Variants in CHCHD6 observed in about 807,000 individuals in gnomAD.
CHCHD6 encodes the protein coiled-coil-helix-coiled-coil-helix domain containing 6.
A neutral mutation model predicts 32.3 loss-of-function variants in CHCHD6; 28 were observed. That is an observed-to-expected ratio of 0.87 (90% CI 0.64 to 1.19). CHCHD6 has a LOEUF of 1.19. Among genes scored for constraint, CHCHD6 ranks in the 50% most tolerant of loss-of-function variants. CHCHD6 has a pLI of 0.00. For missense variants in CHCHD6, 333 were observed against 307.0 expected (o/e 1.08, Z -0.63); for synonymous variants, 122 against 117.5 (o/e 1.04, Z -0.25).
At chr3:126,748,595 C>CA (rs11378109) in intron 4 of CHCHD6, among the ~76,000 whole-genome samples, 6,933 of 85,082 alleles carry the variant, frequency 0.081, 226 homozygotes, top group East Asian at 0.22. Flanking sequence ...ACTACATCTC[C>CA]AAAAAAAAAA....
intron 3 of CHCHD6, 80 bp downstream of exon 3, chr3:126,730,710 C>G: frequency 8.5e-7 from 1 of 1,183,100 alleles, no homozygotes; most frequent in Non-Finnish European, 1.2e-6. Context: ...CCTCTCCTTG[C>G]CTGAAGCCCT....
intron 6 of CHCHD6, among the ~76,000 whole-genome samples, chr3:126,936,773 G>A (rs769061033): frequency 3.9e-5 from 6 of 152,172 alleles, no homozygotes; most frequent in South Asian, 4.2e-4. Context: ...CAGGCTGGTC[G>A]CGAACACCTG....
chr3:126,921,430 G>A (rs553847926), intron 6 of CHCHD6, among the ~76,000 whole-genome samples: 23 of 151,906 alleles, frequency 1.5e-4, no homozygotes, highest in South Asian at 6.3e-4. Flanking sequence ...GAATTGTTCA[G>A]ATTTTCTGAA....
intron 4 of CHCHD6, among the ~76,000 whole-genome samples, chr3:126,782,212 C>T (rs1576409236): frequency 6.6e-6 from 1 of 152,196 alleles, no homozygotes; most frequent in South Asian, 2.1e-4. Flanking sequence ...CATTAATTCT[C>T]GATTTACATA....
chr3:126,913,183 G>C (rs566621549), intron 5 of CHCHD6, among the ~76,000 whole-genome samples: 128 of 134,322 alleles, frequency 9.5e-4, no homozygotes, highest in African/African-American at 3.3e-3. Flanking sequence ...GTAGAACGGG[G>C]ATAATCATGC....
intron 4 of CHCHD6, among the ~76,000 whole-genome samples, chr3:126,845,294 T>G (rs1164946300): frequency 4.6e-5 from 7 of 152,224 alleles, no homozygotes; most frequent in Non-Finnish European, 1.0e-4. Flanking sequence ...TGAGTCAATA[T>G]ATTTAGAATT....
At chr3:126,730,033 A>G (rs986756660) in intron 2 of CHCHD6, among the ~76,000 whole-genome samples, 2 of 152,230 alleles carry the variant, frequency 1.3e-5, no homozygotes, top group African/African-American at 4.8e-5. Context: ...AAAGAGCCCA[A>G]TAATACTAAA....
At chr3:126,794,433 CAT>C (rs1210923699) in intron 4 of CHCHD6, among the ~76,000 whole-genome samples, 5 of 148,246 alleles carry the variant, frequency 3.4e-5, no homozygotes, top group Non-Finnish European at 7.4e-5. Context: ...TATATATATA[CAT>C]ATATGTTTAT....
intron 4 of CHCHD6, among the ~76,000 whole-genome samples, chr3:126,768,879 A>G (rs1212623362): frequency 2.0e-5 from 3 of 152,080 alleles, no homozygotes; most frequent in South Asian, 2.1e-4. Flanking sequence ...CCACTTCTTA[A>G]TGGGGTTATT....
At chr3:126,957,059 T>TTGTCCTGGAGGCGGGC (rs1355564858) in intron 6 of CHCHD6, 6 of 313,728 alleles carry the variant, frequency 1.9e-5, no homozygotes, top group Admixed American at 4.2e-5. Flanking sequence ...GCGGGGCGGG[T>TTGTCCTGGAGGCGGGC]TGTCCTGGAG....
chr3:126,807,599 T>C (rs1458641301), intron 4 of CHCHD6, among the ~76,000 whole-genome samples: 1 of 152,190 alleles, frequency 6.6e-6, no homozygotes, highest in Non-Finnish European at 1.5e-5. Flanking sequence ...AAATTATTAA[T>C]GAAATTATTT....
chr3:126,729,158 A>G (rs1043534149), intron 2 of CHCHD6, among the ~76,000 whole-genome samples: 2 of 152,254 alleles, frequency 1.3e-5, no homozygotes, highest in Admixed American at 6.5e-5. Flanking sequence ...AAATGTGAAT[A>G]TAAGAAATTA....
intron 4 of CHCHD6, among the ~76,000 whole-genome samples, chr3:126,834,700 G>T (rs151294002): frequency 1.7e-3 from 253 of 152,270 alleles, no homozygotes; most frequent in African/African-American, 5.9e-3. Context: ...CCTATCCCTG[G>T]CTACTTCACG....
At position 126,917,609 on chromosome 3, in the gene CHCHD6, A is replaced by G. The variant is rs73861726; in HGVS notation, c.566+2859A>G. On this transcript the variant is annotated intron_variant, in intron 6 of 7. Transcript: ENST00000290913. The stretch of plus-strand genomic sequence containing the variant: ...AGAAAGTAGACCTAGGATGTCAACA[A>G]CTGTTGTTGATATTAGTGTGACTGT... Among the ~76,000 whole-genome samples the G allele has an allele frequency of 3.1e-3, 470 of 152,326 alleles. 3 individuals carry two copies. Among genetic ancestry groups the G allele is most frequent in the African/African-American group, 0.01 (429 of 41,566 alleles).
chr3:126,842,834 G>A lies in CHCHD6; in HGVS notation c.412-9813G>A, dbSNP rs539505601. ...TCTTTTTTTTTTTTTTTTTTTGGTG[G>A]GTGTGACCTGCAAGAGTGGGATGTT... On this transcript the variant is annotated intron_variant, in intron 4 of 7. Coordinates refer to ENST00000290913, the MANE Select transcript of CHCHD6 (RefSeq NM_032343.3). Among the ~76,000 whole-genome samples, 17 of 143,222 alleles carry A rather than the reference G, an allele frequency of 1.2e-4. No individual in the cohort carries two copies. The South Asian group carries it at 1.3e-3, about 11-fold the overall frequency. 94.0% of individuals were successfully genotyped at this position (143,222 alleles called of 152,430 possible).
rs2078068117 is a variant in CHCHD6, at chr3:126,910,273, G to GAAGAAAAAAAAAAC, written c.496-4405_496-4404insGAAAAAAAAAACAA. On this transcript the variant is annotated intron_variant, in intron 5 of 7. Transcript: ENST00000290913. ...AGCCAGGAGCAAGGCCCTGCCTCAG[G>GAAGAAAAAAAAAAC]AAAAAAAAAAAAACAAAAAAAACAA... Among the ~76,000 whole-genome samples, 2 of 111,456 alleles carry GAAGAAAAAAAAAAC rather than the reference G, an allele frequency of 1.8e-5. 1 individual carries two copies. Among genetic ancestry groups the GAAGAAAAAAAAAAC allele is most frequent in the Non-Finnish European group, 3.7e-5 (2 of 54,790 alleles). The allele number at this position is 111,456 out of a possible 152,430, so 73.1% of individuals were successfully genotyped here.
intron 4 of CHCHD6, among the ~76,000 whole-genome samples, chr3:126,839,491 G>A (rs1940986681): frequency 1.3e-5 from 2 of 151,594 alleles, no homozygotes; most frequent in African/African-American, 4.9e-5. Context: ...CAAGTATAAG[G>A]TGCACTAATT....
intron 4 of CHCHD6, among the ~76,000 whole-genome samples, chr3:126,790,888 G>A (rs1183824301): frequency 6.6e-6 from 1 of 152,222 alleles, no homozygotes; most frequent in Non-Finnish European, 1.5e-5. Context: ...CTTTGGAGGA[G>A]GAGAGGTGCT....
At chr3:126,953,282 C>A in intron 6 of CHCHD6, 1 of 299,486 alleles carries the variant, frequency 3.3e-6, no homozygotes, top group Non-Finnish European at 4.9e-6. Context: ...CATGATTATG[C>A]AGACTCGCTA....
Sources: allele counts gnomAD v4.1 joint callset (sites outside exome capture counted in the v4.1 genomes callset), GRCh38; gene constraint gnomAD v4.1.1; transcripts MANE v1.5; gene names NCBI Gene and HGNC (gene_info 2026-07-23, HGNC 2026-07-21).